NAV2: variants seen among roughly 807,000 people sequenced by gnomAD.
The protein encoded by NAV2 is helicase, APC down-regulated 1.
In NAV2, 54 loss-of-function variants were observed where a neutral mutation model predicts 223.2. The observed-to-expected ratio is 0.24, with a 90% CI of 0.19 to 0.30. The LOEUF is 0.30. NAV2 is among the 10% of genes least tolerant of loss of function. The pLI, the probability that NAV2 is intolerant of heterozygous loss-of-function variation, is 1.00. For missense variants in NAV2, 2,806 were observed against 3,147.5 expected (o/e 0.89, Z 2.60); for synonymous variants, 1,279 against 1,239.3 (o/e 1.03, Z -0.67).
Position 20,118,195 on chromosome 11 carries a change from C to A in NAV2, c.7227C>A (p.Ser2409Arg). The part of the protein sequence containing the change: ...ANYSSPQSYD[S>R]DSNSNSHHDD... ...ACTCCAGCCCCCAGAGCTATGACAG[C>A]GACTCCAACAGCAACAGCCATCACG... The change falls in exon 38 of 38, where the codon AGC becomes AGA. Residue 2409 changes from serine (S) to arginine (R), a missense_variant. Transcript: ENST00000349880. 6.2e-7 allele frequency: 1 copy of A among 1,613,964 alleles called. No homozygotes were observed. The highest frequency in any genetic ancestry group is 8.5e-7 in the Non-Finnish European group (1 of 1,179,878).
At chr11:19,859,887 T>C (rs1590925909) in intron 3 of NAV2, among the ~76,000 whole-genome samples, 1 of 110,420 alleles carries the variant, frequency 9.1e-6, no homozygotes, top group Non-Finnish European at 1.8e-5. Flanking sequence ...CCCACCTCCC[T>C]CCCGGACGGG....
At chr11:19,383,566 C>T (rs1010654970) in intron 1 of NAV2, among the ~76,000 whole-genome samples, 8 of 152,340 alleles carry the variant, frequency 5.3e-5, no homozygotes, top group Non-Finnish European at 1.0e-4. Context: ...TAAAGAGAAG[C>T]TGAGAGAATC....
intron 6 of NAV2, among the ~76,000 whole-genome samples, chr11:19,920,077 T>C (rs1363918963): frequency 6.6e-6 from 1 of 152,120 alleles, no homozygotes; most frequent in Non-Finnish European, 1.5e-5. Flanking sequence ...GAGGCTGTAG[T>C]GAGCCATGTT....
chr11:19,364,580 T>C (rs1274494505), intron 1 of NAV2, among the ~76,000 whole-genome samples: 2 of 152,212 alleles, frequency 1.3e-5, no homozygotes, highest in Non-Finnish European at 2.9e-5. Flanking sequence ...TTCTGGCATA[T>C]TTGTGTCCCC....
chr11:19,349,366 C>G (rs781208792), upstream of NAV2, among the ~76,000 whole-genome samples: 1 of 152,140 alleles, frequency 6.6e-6, no homozygotes. Flanking sequence ...CCTCTGTGGC[C>G]GAGTCTCATG....
At chr11:19,621,328 T>C (rs992968946) in intron 1 of NAV2, among the ~76,000 whole-genome samples, 4 of 152,228 alleles carry the variant, frequency 2.6e-5, no homozygotes, top group African/African-American at 9.7e-5. Context: ...TCAGAAGGAA[T>C]GGTACCAGCT....
Position 19,583,553 on chromosome 11 carries a change from T to C in NAV2, c.75+232526T>C, listed in dbSNP as rs184396039. Among the ~76,000 whole-genome samples, 472 of 152,352 alleles carry C rather than the reference T, an allele frequency of 3.1e-3. 3 individuals are homozygous for C. Among genetic ancestry groups the C allele is most frequent in the African/African-American group, 0.01 (424 of 41,580 alleles). ...TCTTATTATTTTGAGACATGTCCCA[T>C]CAATACCTAATTTATTGAGAGTTTT... is the stretch of plus-strand genomic sequence containing the variant. On this transcript the variant is annotated intron_variant, in intron 1 of 37. Transcript: ENST00000360655.
intron 10 of NAV2, among the ~76,000 whole-genome samples, chr11:19,962,454 G>A (rs1362250037): frequency 2.0e-5 from 3 of 152,150 alleles, no homozygotes; most frequent in African/African-American, 7.2e-5. Context: ...CATATGATCA[G>A]TGGGAGTGAA....
chr11:19,643,758 T>G (rs1291310121), intron 1 of NAV2, among the ~76,000 whole-genome samples: 1 of 152,220 alleles, frequency 6.6e-6, no homozygotes, highest in Non-Finnish European at 1.5e-5. Context: ...CCACAATGGT[T>G]GAACTAGTTT....
intron 1 of NAV2, chr11:19,777,465 A>G: frequency 2.2e-6 from 1 of 454,578 alleles, no homozygotes; most frequent in South Asian, 1.6e-5. Context: ...CCCTGAAGTA[A>G]GATGAGCGTG....
At chr11:19,749,669 C>T (rs2053646896) in intron 1 of NAV2, among the ~76,000 whole-genome samples, 1 of 152,192 alleles carries the variant, frequency 6.6e-6, no homozygotes, top group Non-Finnish European at 1.5e-5. Context: ...GCTGTGAATT[C>T]TCAGGCTGCT....
At chr11:19,986,953 A>G (rs969124362) in intron 11 of NAV2, among the ~76,000 whole-genome samples, 46 of 152,232 alleles carry the variant, frequency 3.0e-4, no homozygotes, top group Admixed American at 2.6e-3. Flanking sequence ...GTGTTTCCCA[A>G]AGTGGGAGGC....
intron 1 of NAV2, among the ~76,000 whole-genome samples, chr11:19,500,540 T>C (rs531426249): frequency 6.6e-6 from 1 of 152,338 alleles, no homozygotes; most frequent in South Asian, 2.1e-4. Context: ...AATTTACTTT[T>C]ATCACATCTG....
At chr11:19,638,853 C>A (rs1410093440) in intron 1 of NAV2, among the ~76,000 whole-genome samples, 1 of 152,050 alleles carries the variant, frequency 6.6e-6, no homozygotes, top group Non-Finnish European at 1.5e-5. Context: ...GTTAGCCAGG[C>A]GTGGTGGCGC....
chr11:19,687,878 G>A (rs1022317749), intron 1 of NAV2, among the ~76,000 whole-genome samples: 7 of 152,308 alleles, frequency 4.6e-5, no homozygotes, highest in African/African-American at 7.2e-5. Context: ...TCAACCTCTT[G>A]AGTTAGGACA....
At chr11:19,414,219 G>A (rs945485765) in intron 1 of NAV2, among the ~76,000 whole-genome samples, 6 of 152,114 alleles carry the variant, frequency 3.9e-5, no homozygotes, top group African/African-American at 1.4e-4. Context: ...AGGGATGGAG[G>A]AATATTTACC....
intron 1 of NAV2, among the ~76,000 whole-genome samples, chr11:19,434,428 A>G (rs1483843265): frequency 2.6e-5 from 4 of 152,226 alleles, no homozygotes; most frequent in Non-Finnish European, 4.4e-5. Context: ...ATTATTGATA[A>G]TTAGAAAAAG....
intron 1 of NAV2, among the ~76,000 whole-genome samples, chr11:19,473,844 G>A (rs1325549438): frequency 6.6e-6 from 1 of 152,168 alleles, no homozygotes; most frequent in Non-Finnish European, 1.5e-5. Flanking sequence ...GATTATACTT[G>A]CCCGAAGTTT....
At chr11:19,880,485 G>A (rs1034268341) in intron 5 of NAV2, among the ~76,000 whole-genome samples, 2 of 152,192 alleles carry the variant, frequency 1.3e-5, no homozygotes, top group South Asian at 4.1e-4. Flanking sequence ...TGTTATAAAT[G>A]AGAGTAGTTT....
Sources: allele counts gnomAD v4.1 joint callset (sites outside exome capture counted in the v4.1 genomes callset), GRCh38; gene constraint gnomAD v4.1.1; transcripts MANE v1.5; gene names NCBI Gene and HGNC (gene_info 2026-07-23, HGNC 2026-07-21).